The following NUDT13 variants were observed in gnomAD, a reference collection of about 807,000 sequenced individuals.
NUDT13 encodes the protein NAD(P)H pyrophosphatase NUDT13, mitochondrial.
In NUDT13, 40 loss-of-function variants were observed where a neutral mutation model predicts 41.7. That is an observed-to-expected ratio of 0.96 (90% CI 0.75 to 1.25). NUDT13 has a LOEUF of 1.25. NUDT13 is among the 50% of genes most tolerant of loss of function. The pLI, the probability that NUDT13 is intolerant of heterozygous loss-of-function variation, is 0.00. For missense variants in NUDT13, 390 were observed against 416.1 expected (o/e 0.94, Z 0.55); for synonymous variants, 145 against 155.5 (o/e 0.93, Z 0.50).
intron 1 of NUDT13, among the ~76,000 whole-genome samples, chr10:73,113,477 T>TATTA: frequency 6.6e-6 from 1 of 152,314 alleles, no homozygotes; most frequent in East Asian, 1.9e-4. Context: ...ATACTTTTAA[T>TATTA]AATCTCCTAG....
chr10:73,125,579 C>T, intron 7 of NUDT13, 70 bp downstream of exon 7: 1 of 1,061,760 alleles, frequency 9.4e-7, no homozygotes, highest in African/African-American at 1.6e-5. Context: ...TCTTCTCTGT[C>T]TTGTTGCTAT....
At chr10:73,116,876 ATTTTT>A (rs56229464) in intron 2 of NUDT13, among the ~76,000 whole-genome samples, 351 of 81,776 alleles carry the variant, frequency 4.3e-3, no homozygotes, top group African/African-American at 0.016. Context: ...GACTACAAGA[ATTTTT>A]TTTTTTTTTT....
intron 8 of NUDT13, among the ~76,000 whole-genome samples, chr10:73,128,863 T>C (rs556444417): frequency 2.6e-5 from 4 of 152,362 alleles, no homozygotes; most frequent in South Asian, 2.1e-4. Flanking sequence ...AGAATTTTAT[T>C]GTTTCAGGTT....
chr10:73,121,896 C>CT (rs1008321580), intron 3 of NUDT13, among the ~76,000 whole-genome samples: 153 of 152,104 alleles, frequency 1.0e-3, no homozygotes, highest in African/African-American at 3.6e-3. Flanking sequence ...ATCTTACTAA[C>CT]TAGGGGATAT....
At chr10:73,128,942 A>C (rs1380953010) in intron 8 of NUDT13, among the ~76,000 whole-genome samples, 1 of 152,124 alleles carries the variant, frequency 6.6e-6, no homozygotes, top group Non-Finnish European at 1.5e-5. Context: ...GTCCGATTTC[A>C]TTCTTTTGCA....
intron 2 of NUDT13, among the ~76,000 whole-genome samples, chr10:73,116,166 C>G (rs1229160825): frequency 6.6e-6 from 1 of 151,966 alleles, no homozygotes; most frequent in Non-Finnish European, 1.5e-5. Context: ...CACCACCATG[C>G]CTGGCTAATT....
At chr10:73,119,417 A>C (rs1461964006) in intron 2 of NUDT13, 4 of 790,700 alleles carry the variant, frequency 5.1e-6, no homozygotes, top group Non-Finnish European at 6.1e-6. Context: ...GTAAGGGTAC[A>C]TTGAAGGTAA....
chr10:73,121,388 G>A (rs994653513), intron 3 of NUDT13, among the ~76,000 whole-genome samples: 12 of 152,150 alleles, frequency 7.9e-5, no homozygotes, highest in African/African-American at 2.9e-4. Flanking sequence ...AAGAATCTGA[G>A]GACTCCATCA....
Position 73,119,488 on chromosome 10 carries a change from T to C in NUDT13, c.84-530T>C, listed in dbSNP as rs1445672814. 5 of 985,772 alleles carry C rather than the reference T, an allele frequency of 5.1e-6. No homozygotes were observed. In the African/African-American group the frequency reaches 8.7e-5, roughly 17 times the overall value. The allele number at this position is 985,772 out of a possible 1,614,324, so 61.1% of individuals were successfully genotyped here. A position where few individuals can be genotyped will look rare whatever the true frequency, so the allele number is the denominator to read the frequency against. ...TCACTGAAGATACAGTGTTTACTCTTTGTCTGCTGTGAAAAAGTCTGTTCC... is the reference window on the plus strand; with the variant it reads ...TCACTGAAGATACAGTGTTTACTCTCTGTCTGCTGTGAAAAAGTCTGTTCC... On this transcript the variant is annotated intron_variant, in intron 2 of 8. Coordinates refer to ENST00000357321, the MANE Select transcript of NUDT13 (RefSeq NM_015901.6).
At chr10:73,125,566 C>T in intron 7 of NUDT13, 57 bp downstream of exon 7, 4 of 1,144,916 alleles carry the variant, frequency 3.5e-6, no homozygotes, top group Non-Finnish European at 5.1e-6. Flanking sequence ...CTTACTAATA[C>T]AATCTTCTCT....
At chr10:73,124,981 A>AG (rs1424124077) in intron 5 of NUDT13, 137 bp from the exon 6 acceptor site, 3 of 950,656 alleles carry the variant, frequency 3.2e-6, no homozygotes, top group Non-Finnish European at 4.5e-6. Context: ...AAATTTAAAC[A>AG]GTAACCATTT....
chr10:73,120,924 C>T (rs1842631960), intron 3 of NUDT13, among the ~76,000 whole-genome samples: 1 of 143,208 alleles, frequency 7.0e-6, no homozygotes, highest in Admixed American at 7.1e-5. Flanking sequence ...GGTGACAGAG[C>T]GAGACTCCAT....
intron 2 of NUDT13, among the ~76,000 whole-genome samples, chr10:73,115,554 C>CT (rs1842487431): frequency 6.6e-6 from 1 of 152,148 alleles, no homozygotes; most frequent in Admixed American, 6.5e-5. Flanking sequence ...TAAGATCAGA[C>CT]TTTGTCTTTC....
Position 73,120,138 on chromosome 10 carries a change from C to A in NUDT13, c.204C>A (p.Ala68=). The A allele has an allele frequency of 6.2e-7, 1 of 1,614,140 alleles. No homozygotes were observed. The highest frequency in any genetic ancestry group is 8.5e-7 in the Non-Finnish European group (1 of 1,180,012). ...LLQTSAHQYL[A]PRHSLLELER... ...AGACTTCAGCACATCAATACCTGGC[C>A]CCCCGGCACAGCCTGTTAGGTAAGT... The change falls in exon 3 of 9, where the codon GCC becomes GCA. Residue 68 remains alanine, a synonymous_variant. Coordinates refer to ENST00000357321, the MANE Select transcript of NUDT13 (RefSeq NM_015901.6).
intron 3 of NUDT13, among the ~76,000 whole-genome samples, chr10:73,121,109 C>CA (rs1284825396): frequency 6.6e-6 from 1 of 152,006 alleles, no homozygotes; most frequent in African/African-American, 2.4e-5. Flanking sequence ...TTGGGTGGCT[C>CA]ATGCCTGTAA....
chr10:73,114,077 T>G (rs1434200327), intron 1 of NUDT13, among the ~76,000 whole-genome samples: 1 of 152,222 alleles, frequency 6.6e-6, no homozygotes, highest in Non-Finnish European at 1.5e-5. Context: ...TTATATATTC[T>G]TATCTACAGG....
At chr10:73,119,929 A>C in intron 2 of NUDT13, 89 bp from the exon 3 acceptor site, 1 of 1,308,284 alleles carries the variant, frequency 7.6e-7, no homozygotes, top group Non-Finnish European at 1.1e-6. Context: ...ATGGTAAGAG[A>C]GGGATGCAGC....
intron 2 of NUDT13, among the ~76,000 whole-genome samples, chr10:73,116,570 C>T (rs1031718218): frequency 6.6e-6 from 1 of 151,908 alleles, no homozygotes; most frequent in Admixed American, 6.6e-5. Context: ...ATGGTGAAGC[C>T]GTCTCTACTA....
chr10:73,126,898 TATTAA>T (rs1222679563), intron 8 of NUDT13, 71 bp downstream of exon 8: 156 of 1,302,256 alleles, frequency 1.2e-4, no homozygotes, highest in Non-Finnish European at 1.7e-4. Flanking sequence ...AGCAAGTACT[TATTAA>T]GCACTTGTCT....
Sources: gnomAD v4.1 joint callset for allele counts (sites outside exome capture counted in the v4.1 genomes callset) on GRCh38, gnomAD v4.1.1 for gene constraint, MANE v1.5 for transcripts, NCBI Gene and HGNC (gene_info 2026-07-23, HGNC 2026-07-21) for gene names.